PCNX2: variants seen among roughly 807,000 people sequenced by gnomAD.
PCNX2 encodes the protein pecanex-like protein 2.
In PCNX2, 168 loss-of-function variants were observed where a neutral mutation model predicts 223.8. The ratio of observed to expected loss-of-function variants is 0.75; its 90% CI spans 0.66 to 0.85. PCNX2 has a LOEUF of 0.85. Among genes scored for constraint, PCNX2 ranks in the 40% least tolerant of loss-of-function variants. The pLI, the probability that PCNX2 is intolerant of heterozygous loss-of-function variation, is 0.00. For synonymous variants in PCNX2, 1,006 were observed against 1,052.6 expected (o/e 0.96, Z 0.86); for missense variants, 2,507 against 2,675.5 (o/e 0.94, Z 1.39).
At chr1:233,022,220 C>G (rs1670914872) in intron 26 of PCNX2, among the ~76,000 whole-genome samples, 1 of 152,188 alleles carries the variant, frequency 6.6e-6, no homozygotes, top group Admixed American at 6.5e-5. Flanking sequence ...TCTCTTCTGT[C>G]CAGACTGTAT....
chr1:233,227,068 T>C (rs75588607), intron 10 of PCNX2, among the ~76,000 whole-genome samples, 158 bp downstream of exon 10: 2,350 of 152,324 alleles, frequency 0.015, 26 homozygotes, highest in Non-Finnish European at 0.022. Context: ...CTACAATTTG[T>C]TGTCAGGATC....
intron 25 of PCNX2, among the ~76,000 whole-genome samples, chr1:233,042,784 A>C (rs534528803): frequency 2.7e-5 from 4 of 150,842 alleles, no homozygotes; most frequent in African/African-American, 9.6e-5. Context: ...TTCCTAAGTG[A>C]AAAAAGATAT....
At chr1:233,181,899 C>A (rs558068479) in intron 15 of PCNX2, among the ~76,000 whole-genome samples, 1 of 152,352 alleles carries the variant, frequency 6.6e-6, no homozygotes, top group Admixed American at 6.5e-5. Context: ...TAGGTTTCAA[C>A]ATGAATTTTG....
chr1:232,993,824 C>T (rs1669787166), intron 32 of PCNX2, among the ~76,000 whole-genome samples: 2 of 152,232 alleles, frequency 1.3e-5, no homozygotes, highest in South Asian at 4.1e-4. Context: ...TCCAATGTGG[C>T]TAAAAGGGGC....
At chr1:233,143,138 T>C (rs1381509900) in intron 19 of PCNX2, among the ~76,000 whole-genome samples, 2 of 152,218 alleles carry the variant, frequency 1.3e-5, no homozygotes, top group Non-Finnish European at 2.9e-5. Flanking sequence ...AAATACAACA[T>C]GTCACAAACG....
chr1:233,207,018 A>AGAAG (rs1553313347), intron 13 of PCNX2, among the ~76,000 whole-genome samples: 1 of 150,482 alleles, frequency 6.6e-6, no homozygotes, highest in African/African-American at 2.5e-5. Context: ...CAAAAAAAAA[A>AGAAG]AAGAAGAAGA....
chr1:233,079,866 G>C (rs1396620870), intron 23 of PCNX2, among the ~76,000 whole-genome samples: 1 of 152,168 alleles, frequency 6.6e-6, no homozygotes, highest in African/African-American at 2.4e-5. Context: ...GGGAAGGAAG[G>C]AAATTCCCTT....
intron 19 of PCNX2, among the ~76,000 whole-genome samples, chr1:233,158,620 T>C (rs1264707817): frequency 6.6e-6 from 1 of 152,158 alleles, no homozygotes; most frequent in Non-Finnish European, 1.5e-5. Context: ...GGTATAGATA[T>C]AGACAAAAGT....
At chr1:233,274,269 G>A (rs1439642410) in intron 1 of PCNX2, among the ~76,000 whole-genome samples, 1 of 152,100 alleles carries the variant, frequency 6.6e-6, no homozygotes, top group Non-Finnish European at 1.5e-5. Context: ...CTGACATCTT[G>A]GGCCAGATAG....
At chr1:233,211,736 C>T in intron 12 of PCNX2, 1 of 980,002 alleles carries the variant, frequency 1.0e-6, no homozygotes, top group Non-Finnish European at 1.2e-6. Flanking sequence ...CTGGATTCTC[C>T]AGACCCAAGG....
At chr1:233,314,968 T>C in the PCNX2 span, among the ~76,000 whole-genome samples, 1 of 152,200 alleles carries the variant, frequency 6.6e-6, no homozygotes, top group Non-Finnish European at 1.5e-5. Context: ...ATTATAGTTT[T>C]CAAAGTACTT....
the PCNX2 span, among the ~76,000 whole-genome samples, chr1:233,317,895 C>T: frequency 2.0e-5 from 3 of 152,198 alleles, no homozygotes; most frequent in Non-Finnish European, 4.4e-5. Flanking sequence ...GTAACAAAGG[C>T]GAAGCCAAGA....
chr1:233,058,838 T>C (rs1672297278), intron 23 of PCNX2, among the ~76,000 whole-genome samples: 1 of 152,004 alleles, frequency 6.6e-6, no homozygotes, highest in Non-Finnish European at 1.5e-5. Context: ...CTAATTTTTG[T>C]ATTCTTAGTA....
intron 23 of PCNX2, chr1:233,087,008 G>A: frequency 1.0e-6 from 1 of 984,860 alleles, no homozygotes; most frequent in South Asian, 4.7e-5. Flanking sequence ...AGGCAGACAG[G>A]GGACACATTT....
At chr1:233,265,308 T>C (rs1325277498) in intron 1 of PCNX2, among the ~76,000 whole-genome samples, 1 of 152,114 alleles carries the variant, frequency 6.6e-6, no homozygotes. Context: ...GGTTTCATAG[T>C]ACTCTAGTCA....
At chr1:233,228,816 T>C (rs113492117) in intron 9 of PCNX2, among the ~76,000 whole-genome samples, 1,910 of 152,346 alleles carry the variant, frequency 0.013, 43 homozygotes, top group African/African-American at 0.044. Flanking sequence ...TTCTTTTGGA[T>C]ATACACTCAG....
At chr1:233,233,479 G>A (rs1396486001) in intron 9 of PCNX2, among the ~76,000 whole-genome samples, 1 of 146,186 alleles carries the variant, frequency 6.8e-6, no homozygotes, top group African/African-American at 2.6e-5. Context: ...TATTTTAAGT[G>A]ACCAGCCCTT....
intron 9 of PCNX2, among the ~76,000 whole-genome samples, chr1:233,232,046 G>A (rs527416044): frequency 6.6e-6 from 1 of 152,292 alleles, no homozygotes; most frequent in South Asian, 2.1e-4. Context: ...CATACAAGTG[G>A]AATGTGAATT....
At chr1:233,297,305 G>A (rs1662177884), upstream of PCNX2, among the ~76,000 whole-genome samples, 1 of 152,208 alleles carries the variant, frequency 6.6e-6, no homozygotes, top group African/African-American at 2.4e-5. Context: ...TTTTGCAGAA[G>A]ACTAAGAAAG....
Sources: gnomAD v4.1 joint callset for allele counts (sites outside exome capture counted in the v4.1 genomes callset) on GRCh38, gnomAD v4.1.1 for gene constraint, MANE v1.5 for transcripts, NCBI Gene and HGNC (gene_info 2026-07-23, HGNC 2026-07-21) for gene names.